LRFN5: variants seen among roughly 807,000 people sequenced by gnomAD.
LRFN5 encodes leucine-rich repeat and fibronectin type-III domain-containing protein 5.
Under a neutral mutation model 45.6 loss-of-function variants are expected in LRFN5, and 24 were observed. That is an observed-to-expected ratio of 0.53 (90% confidence interval 0.38 to 0.74). The LOEUF is 0.74. Among genes scored for constraint, LRFN5 ranks in the 30% least tolerant of loss-of-function variants. The pLI is 0.00. For missense variants in LRFN5, 776 were observed against 861.5 expected, an observed-to-expected ratio of 0.90 and a Z score of 1.24; for synonymous variants, 340 against 313.8, an observed-to-expected ratio of 1.08 and a Z score of -0.88.
chr14:41,714,031 A>C (rs556239356), intron 1 of LRFN5, among the ~76,000 whole-genome samples: 18 of 152,314 alleles, frequency 1.2e-4, no homozygotes, highest in African/African-American at 4.3e-4. Flanking sequence ...AGCAGTTAAA[A>C]TGAAACATAA....
intron 1 of LRFN5, among the ~76,000 whole-genome samples, chr14:41,693,193 T>C (rs1882457299): frequency 6.6e-6 from 1 of 152,116 alleles, no homozygotes; most frequent in South Asian, 2.1e-4. Context: ...TGTTTAAATA[T>C]TTTTGGAAGT....
At chr14:41,901,564 C>T (rs1891102786) in intron 5 of LRFN5, among the ~76,000 whole-genome samples, 1 of 151,542 alleles carries the variant, frequency 6.6e-6, no homozygotes, top group Admixed American at 6.6e-5. Context: ...TGCGATTAGT[C>T]CACATTTAAT....
At chr14:41,818,448 A>T (rs1887995169) in intron 2 of LRFN5, among the ~76,000 whole-genome samples, 1 of 152,004 alleles carries the variant, frequency 6.6e-6, no homozygotes, top group Non-Finnish European at 1.5e-5. Context: ...TATGTTTAAT[A>T]ACTAAATATA....
chr14:41,792,623 C>A (rs1044638560), intron 2 of LRFN5, among the ~76,000 whole-genome samples: 3 of 151,974 alleles, frequency 2.0e-5, no homozygotes, highest in Middle Eastern at 3.2e-3. Flanking sequence ...TTTATATGCT[C>A]TCTGCAAGAA....
chr14:41,713,359 A>G (rs770751172), intron 1 of LRFN5, among the ~76,000 whole-genome samples: 3 of 152,144 alleles, frequency 2.0e-5, no homozygotes, highest in Non-Finnish European at 2.9e-5. Context: ...AGCAGTACTG[A>G]GAAATTAGAC....
chr14:41,666,959 C>T (rs1880928572), intron 1 of LRFN5, among the ~76,000 whole-genome samples: 1 of 152,116 alleles, frequency 6.6e-6, no homozygotes, highest in Non-Finnish European at 1.5e-5. Context: ...AATGATTATA[C>T]AACGTTATAG....
chr14:41,900,350 C>T (rs1891066012), intron 5 of LRFN5, among the ~76,000 whole-genome samples: 1 of 151,806 alleles, frequency 6.6e-6, no homozygotes, highest in Non-Finnish European at 1.5e-5. Flanking sequence ...TATTATTTTG[C>T]TTATGTATTT....
intron 1 of LRFN5, among the ~76,000 whole-genome samples, chr14:41,693,632 T>A (rs1013030104): frequency 3.1e-4 from 47 of 152,084 alleles, no homozygotes; most frequent in Non-Finnish European, 3.5e-4. Context: ...TGAAATGTTG[T>A]TGGCTTTTAC....
chr14:41,860,308 G>A (rs1889616220), intron 2 of LRFN5, among the ~76,000 whole-genome samples: 1 of 152,090 alleles, frequency 6.6e-6, no homozygotes, highest in Non-Finnish European at 1.5e-5. Flanking sequence ...TTATTTATAA[G>A]ATAGTTATTT....
In LRFN5 at chr14:41,856,675, A is replaced by ATTTTTTTTTTTTTTTTTT. The variant is rs1555326982; in HGVS notation, c.-20-29929_-20-29912dup. On this transcript the variant is annotated intron_variant, in intron 2 of 5. Coordinates refer to ENST00000298119, the MANE Select transcript of LRFN5 (RefSeq NM_152447.5). ...TTCTTTCCTAATTATTATTATTATT[A>ATTTTTTTTTTTTTTTTTT]TTTTTTTTTTTTTTTTTTTGAGACG... Among the ~76,000 whole-genome samples the ATTTTTTTTTTTTTTTTTT allele has an allele frequency of 4.0e-3, 73 of 18,336 alleles. 9 individuals are homozygous for ATTTTTTTTTTTTTTTTTT. The highest frequency in any genetic ancestry group is 6.6e-3 in the Non-Finnish European group (52 of 7,824). The allele number at this position is 18,336 out of a possible 152,430, so 12.0% of individuals were successfully genotyped here. A position where few individuals can be genotyped will look rare whatever the true frequency, so the allele number is the denominator to read the frequency against.
chr14:41,708,579 A>G (rs1883159211), intron 1 of LRFN5, among the ~76,000 whole-genome samples: 1 of 152,050 alleles, frequency 6.6e-6, no homozygotes, highest in African/African-American at 2.4e-5. Context: ...AATTCCAAGA[A>G]TTACAATTAG....
chr14:41,706,750 G>T (rs1006040007), intron 1 of LRFN5, among the ~76,000 whole-genome samples: 1 of 151,924 alleles, frequency 6.6e-6, no homozygotes, highest in Non-Finnish European at 1.5e-5. Flanking sequence ...TTTTCCTTTT[G>T]TTAAGTAGAG....
intron 1 of LRFN5, chr14:41,700,817 A>G (rs941814463): frequency 2.6e-5 from 4 of 152,126 alleles, no homozygotes; most frequent in African/African-American, 9.7e-5. Context: ...AGAAACAGCT[A>G]TCTCTTAGAT....
rs540595502 is a variant in LRFN5 at position 41,636,193 on chromosome 14, A to G, written c.-197+27631A>G. ...ATGAGTAAGAGAAATATTTGAAGCA[A>G]TGAGACTGGTTAAAAGGCAGTTAAA... On this transcript the variant is annotated intron_variant, in intron 1 of 5. Transcript: ENST00000298119. Among the ~76,000 whole-genome samples, 3 of 152,334 alleles carry G rather than the reference A, an allele frequency of 2.0e-5. No individual in the cohort carries two copies. The East Asian group carries it at 5.8e-4, about 29-fold the overall frequency.
At chr14:41,856,675 A>ATTATTATTATTATTATTTTTTTTTTTT in intron 2 of LRFN5, among the ~76,000 whole-genome samples, 2 of 18,332 alleles carry the variant, frequency 1.1e-4, no homozygotes, top group African/African-American at 2.6e-4. Flanking sequence ...TATTATTATT[A>ATTATTATTATTATTATTTTTTTTTTTT]TTTTTTTTTT....
intron 1 of LRFN5, among the ~76,000 whole-genome samples, chr14:41,623,626 G>A (rs879556829): frequency 6.6e-6 from 1 of 152,076 alleles, no homozygotes; most frequent in Non-Finnish European, 1.5e-5. Context: ...AACTTTCGGT[G>A]ACTTTGCTAT....
intron 1 of LRFN5, among the ~76,000 whole-genome samples, chr14:41,687,776 T>C (rs1006264120): frequency 6.6e-6 from 1 of 151,888 alleles, no homozygotes; most frequent in Non-Finnish European, 1.5e-5. Context: ...TCATAACACA[T>C]GGACACAGAG....
rs370748371 is a variant in LRFN5, at chr14:41,655,130, C to T, written c.-197+46568C>T. Among the ~76,000 whole-genome samples, 21 of 152,092 alleles carry T rather than the reference C, an allele frequency of 1.4e-4. No homozygotes were observed. In the East Asian group the frequency reaches 2.3e-3, roughly 17 times the overall value. ...TTTGTGACCTATACTCTTATAGCTA[C>T]GTACAAGACAAACTGTCTATGGAGC... On this transcript the variant is annotated intron_variant, in intron 1 of 5. Transcript: ENST00000298119.
intron 2 of LRFN5, among the ~76,000 whole-genome samples, chr14:41,838,316 T>C (rs1888735189): frequency 6.6e-6 from 1 of 152,194 alleles, no homozygotes; most frequent in African/African-American, 2.4e-5. Context: ...GCATAGGCAA[T>C]ACTTGGTATC....
Sources: gnomAD v4.1 joint callset for allele counts (sites outside exome capture counted in the v4.1 genomes callset) on GRCh38, gnomAD v4.1.1 for gene constraint, MANE v1.5 for transcripts, NCBI Gene and HGNC (gene_info 2026-07-23, HGNC 2026-07-21) for gene names.